C4BPA: variants seen among roughly 807,000 people sequenced by gnomAD.
C4BPA encodes complement component 4 binding protein alpha, also known as C4b-binding protein alpha chain.
A neutral mutation model predicts 63.7 loss-of-function variants in C4BPA; 31 were observed. The ratio of observed to expected loss-of-function variants is 0.49; its 90% CI spans 0.37 to 0.66. C4BPA has a LOEUF of 0.66. Among genes scored for constraint, C4BPA ranks in the 30% least tolerant of loss-of-function variants. The pLI, the probability that C4BPA is intolerant of heterozygous loss-of-function variation, is 0.00. For synonymous variants in C4BPA, 259 were observed against 254.7 expected (o/e 1.02, Z -0.16); for missense variants, 572 against 723.3 (o/e 0.79, Z 2.40).
chr1:207,122,431 T>C (rs1684937976), intron 4 of C4BPA, among the ~76,000 whole-genome samples: 1 of 152,210 alleles, frequency 6.6e-6, no homozygotes. Flanking sequence ...CTATCTAAAT[T>C]ATTATTCTTT....
chr1:207,104,871 T>C (rs924572354), intron 1 of C4BPA, among the ~76,000 whole-genome samples: 2 of 152,184 alleles, frequency 1.3e-5, no homozygotes, highest in African/African-American at 4.8e-5. Context: ...TGAGATTTGA[T>C]TAACCACTCC....
chr1:207,141,416 G>A, intron 10 of C4BPA, 140 bp downstream of exon 10: 3 of 572,314 alleles, frequency 5.2e-6, no homozygotes, highest in South Asian at 3.5e-5. Context: ...ATATGCAAAT[G>A]GTACCCAATG....
intron 4 of C4BPA, among the ~76,000 whole-genome samples, chr1:207,116,566 T>A (rs1684796022): frequency 6.8e-6 from 1 of 147,734 alleles, no homozygotes; most frequent in Non-Finnish European, 1.5e-5. Context: ...GTGTATAATG[T>A]TTTTGACTTG....
chr1:207,108,671 T>A (rs1322194296), intron 1 of C4BPA, among the ~76,000 whole-genome samples: 1 of 152,080 alleles, frequency 6.6e-6, no homozygotes, highest in African/African-American at 2.4e-5. Flanking sequence ...AGCATGGAAG[T>A]TTTTGCATGA....
In C4BPA at chr1:207,104,235, C is replaced by T. The variant is rs1200510963; in HGVS notation, c.-221C>T. On this transcript the variant is annotated 5_prime_UTR_variant, in exon 1 of 12. Coordinates refer to ENST00000367070, the MANE Select transcript of C4BPA (RefSeq NM_000715.4). ...GTTTCTGCCCATCTATTTCCATCAA[C>T]CGTCCTTGACCAGCCAACCACATGG... 1 of 152,242 alleles carries T rather than the reference C, an allele frequency of 6.6e-6. No homozygotes were observed. The highest frequency in any genetic ancestry group is 2.4e-5 in the African/African-American group (1 of 41,462). The allele number at this position is 152,242 out of a possible 1,614,324, so 9.4% of individuals were successfully genotyped here.
Position 207,126,816 on chromosome 1 carries a change from T to G in C4BPA, c.810T>G (p.Gly270=). 2.5e-6 allele frequency: 4 copies of G among 1,613,336 alleles called. No individual in the cohort carries two copies. Among genetic ancestry groups the G allele is most frequent in the Non-Finnish European group, 2.5e-6 (3 of 1,179,538 alleles). ...CTATTGTGTTTAAGTGCCAAAAAGG[T>G]TTTGTTCTCAGAGGCAGCAGTGTAA... ...KDTIVFKCQK[G]FVLRGSSVIH... Residue 270 remains glycine, a synonymous_variant, in exon 7 of 12, where the codon GGT becomes GGG. Coordinates refer to ENST00000367070, the MANE Select transcript of C4BPA (RefSeq NM_000715.4).
At chr1:207,139,231 G>T (rs1402114682) in intron 9 of C4BPA, among the ~76,000 whole-genome samples, 3 of 152,206 alleles carry the variant, frequency 2.0e-5, no homozygotes, top group Non-Finnish European at 2.9e-5. Flanking sequence ...ACCACATCTG[G>T]TGCAATGGCT....
In C4BPA at chr1:207,131,985, T is replaced by C. The variant is rs150725927; in HGVS notation, c.1084+245T>C. Among the ~76,000 whole-genome samples, 536 of 152,264 alleles carry C rather than the reference T, an allele frequency of 3.5e-3. 4 individuals carry two copies. Among genetic ancestry groups the C allele is most frequent in the African/African-American group, 0.012 (512 of 41,550 alleles). On this transcript the variant is annotated intron_variant, in intron 8 of 11. Coordinates refer to ENST00000367070, the MANE Select transcript of C4BPA (RefSeq NM_000715.4). ...GAGAAGTAGACACAGAAGTCAAACA[T>C]TATGCAGATTATGTATTAGTTTTCT...
Position 207,114,309 on chromosome 1 carries a change from TC to T in C4BPA, c.328+26del, listed in dbSNP as rs562959071. On this transcript the variant is annotated intron_variant, in intron 3 of 11. Coordinates refer to ENST00000367070, the MANE Select transcript of C4BPA (RefSeq NM_000715.4). ...CTGTAAGTATCAACATTTATTTTTT[TC>T]CTTTGCTTTTCCTATCTTTGGAAAG... The T allele has an allele frequency of 4.3e-5, 67 of 1,555,056 alleles. No homozygotes were observed. In the African/African-American group the frequency reaches 8.1e-4, roughly 19 times the overall value.
chr1:207,136,287 G>A (rs12078508), intron 9 of C4BPA, among the ~76,000 whole-genome samples: 9,893 of 152,220 alleles, frequency 0.065, 678 homozygotes, highest in African/African-American at 0.17. Flanking sequence ...CACCCATGAG[G>A]CCAATAACAG....
At chr1:207,104,927 AAGG>A (rs201783283) in intron 1 of C4BPA, among the ~76,000 whole-genome samples, 2,041 of 152,320 alleles carry the variant, frequency 0.013, 19 homozygotes, top group Non-Finnish European at 0.023. Flanking sequence ...ATTTGGTAAT[AAGG>A]AGGACACTGG....
intron 4 of C4BPA, among the ~76,000 whole-genome samples, chr1:207,116,528 G>A (rs904812741): frequency 4.0e-4 from 57 of 143,658 alleles, no homozygotes; most frequent in African/African-American, 2.0e-4. Flanking sequence ...GTGTGTGTGT[G>A]TGTGTGTGTG....
intron 4 of C4BPA, among the ~76,000 whole-genome samples, chr1:207,118,117 CA>C (rs1684841683): frequency 6.9e-6 from 1 of 144,640 alleles, no homozygotes; most frequent in Non-Finnish European, 1.5e-5. Context: ...GTTTATCTAT[CA>C]TCTATCTATC....
chr1:207,109,394 T>TAG (rs1684622275), intron 1 of C4BPA, among the ~76,000 whole-genome samples: 1 of 152,250 alleles, frequency 6.6e-6, no homozygotes, highest in Non-Finnish European at 1.5e-5. Context: ...TTTTGAATGT[T>TAG]TACTATGTGC....
At chr1:207,118,003 C>T (rs1165661191) in intron 4 of C4BPA, among the ~76,000 whole-genome samples, 1 of 152,194 alleles carries the variant, frequency 6.6e-6, no homozygotes, top group East Asian at 1.9e-4. Flanking sequence ...GCTTTCCTCA[C>T]ATAGATTTTG....
At chr1:207,129,934 GTA>G (rs1685126238) in intron 7 of C4BPA, among the ~76,000 whole-genome samples, 1 of 151,978 alleles carries the variant, frequency 6.6e-6, no homozygotes, top group Non-Finnish European at 1.5e-5. Flanking sequence ...TGTCATTTCT[GTA>G]CTATAATACA....
At chr1:207,121,674 A>G (rs1684924564) in intron 4 of C4BPA, among the ~76,000 whole-genome samples, 1 of 152,020 alleles carries the variant, frequency 6.6e-6, no homozygotes, top group Non-Finnish European at 1.5e-5. Flanking sequence ...TTTATTTTCT[A>G]TTAAAAATAT....
Position 207,131,451 on chromosome 1 carries a change from C to T in C4BPA, c.890-95C>T, listed in dbSNP as rs570130802. On this transcript the variant is annotated intron_variant, in intron 7 of 11. Transcript: ENST00000367070. ...GCAGGCTGGTTCCAGGCTGAATGAA[C>T]GTATGACCCCCTTTGATAGGACAGG... 4.3e-5 allele frequency: 35 copies of T among 811,446 alleles called. No individual in the cohort carries two copies. The East Asian group carries it at 5.8e-4, about 13-fold the overall frequency. The allele number at this position is 811,446 out of a possible 1,614,324, so 50.3% of individuals were successfully genotyped here.
rs72742946 is a variant in C4BPA at position 207,138,464 on chromosome 1, T to C, written c.1274-2642T>C. ...GGACCTGGTAGCATGCCAAGAGTTA[T>C]ATTTCAGAAAGCATACAGTCCTCTA... is the stretch of plus-strand genomic sequence containing the variant. On this transcript the variant is annotated intron_variant, in intron 9 of 11. Coordinates refer to ENST00000367070, the MANE Select transcript of C4BPA (RefSeq NM_000715.4). Among the ~76,000 whole-genome samples, 219 of 152,326 alleles carry C rather than the reference T, an allele frequency of 1.4e-3. 2 individuals carry two copies. Among genetic ancestry groups the C allele is most frequent in the Non-Finnish European group, 1.9e-3 (132 of 68,032 alleles).
Sources: allele counts gnomAD v4.1 joint callset (sites outside exome capture counted in the v4.1 genomes callset), GRCh38; gene constraint gnomAD v4.1.1; transcripts MANE v1.5; gene names NCBI Gene and HGNC (gene_info 2026-07-23, HGNC 2026-07-21).